The following FGF1 variants were observed in gnomAD, a reference collection of about 807,000 sequenced individuals.
FGF1 encodes the protein beta-endothelial cell growth factor.
Under a neutral mutation model 13.4 loss-of-function variants are expected in FGF1, and 9 were observed. The ratio of observed to expected loss-of-function variants is 0.67; its 90% CI spans 0.40 to 1.17. The LOEUF is 1.17. Ranked by LOEUF, FGF1 falls within the 50% of genes most tolerant of loss-of-function variation. The pLI is 0.01. For synonymous variants in FGF1, 93 were observed against 79.0 expected (o/e 1.18, Z -0.94); for missense variants, 156 against 192.7 (o/e 0.81, Z 1.13).
chr5:142,676,029 G>A (rs571408064), intron 1 of FGF1, among the ~76,000 whole-genome samples: 7 of 152,266 alleles, frequency 4.6e-5, no homozygotes, highest in African/African-American at 1.4e-4. Flanking sequence ...TGCCCTGGGC[G>A]TAACCTCTTT....
chr5:142,623,808 T>C (rs1762035796), intron 1 of FGF1, among the ~76,000 whole-genome samples: 1 of 151,202 alleles, frequency 6.6e-6, no homozygotes, highest in African/African-American at 2.4e-5. Flanking sequence ...CAGAGTGCAG[T>C]GTACACTCAT....
chr5:142,696,463 C>G (rs1007460773), intron 2 of FGF1, among the ~76,000 whole-genome samples: 8 of 152,122 alleles, frequency 5.3e-5, no homozygotes, highest in South Asian at 2.1e-4. Context: ...GTACAGTACC[C>G]ACATTCGTTC....
intron 1 of FGF1, among the ~76,000 whole-genome samples, chr5:142,662,693 G>C (rs17099178): frequency 1.3e-5 from 2 of 152,106 alleles, no homozygotes; most frequent in African/African-American, 4.8e-5. Context: ...TATGGAGTGC[G>C]TGAATGAAAC....
At chr5:142,697,392 C>A (rs541035714) in intron 2 of FGF1, among the ~76,000 whole-genome samples, 33 of 152,262 alleles carry the variant, frequency 2.2e-4, no homozygotes, top group African/African-American at 7.7e-4. Flanking sequence ...CACTAAGAAC[C>A]AGACCTACCC....
intron 1 of FGF1, among the ~76,000 whole-genome samples, chr5:142,622,888 G>A (rs1269167637): frequency 2.0e-5 from 3 of 152,242 alleles, no homozygotes; most frequent in Admixed American, 2.0e-4. Context: ...TGTTCCATGA[G>A]CTGAAATCTC....
At chr5:142,629,893 A>ATTT (rs1229121020) in intron 1 of FGF1, among the ~76,000 whole-genome samples, 52 of 120,056 alleles carry the variant, frequency 4.3e-4, no homozygotes, top group Non-Finnish European at 6.1e-4. Flanking sequence ...ATATATATAT[A>ATTT]TATTTTTTTT....
At chr5:142,598,271 G>C (rs1281311868) in intron 3 of FGF1, among the ~76,000 whole-genome samples, 1 of 152,130 alleles carries the variant, frequency 6.6e-6, no homozygotes, top group Non-Finnish European at 1.5e-5. Flanking sequence ...TATTATACTG[G>C]AGGAGTTGAC....
chr5:142,653,201 G>A (rs764283407), intron 1 of FGF1, among the ~76,000 whole-genome samples: 80 of 152,266 alleles, frequency 5.3e-4, no homozygotes, highest in Non-Finnish European at 1.0e-3. Context: ...TTGTTAAAAA[G>A]ACACATCCGA....
At chr5:142,690,834 C>T (rs750033036), upstream of FGF1, among the ~76,000 whole-genome samples, 14 of 152,190 alleles carry the variant, frequency 9.2e-5, no homozygotes, top group Non-Finnish European at 1.9e-4. Flanking sequence ...AGTTCTCCCC[C>T]AACATACTCA....
At chr5:142,687,143 G>A (rs1751385126), upstream of FGF1, among the ~76,000 whole-genome samples, 1 of 151,678 alleles carries the variant, frequency 6.6e-6, no homozygotes, top group African/African-American at 2.4e-5. Context: ...GTGCACGCAT[G>A]CACTCCCATG....
chr5:142,658,288 G>A (rs1379825733), intron 1 of FGF1, among the ~76,000 whole-genome samples: 1 of 152,204 alleles, frequency 6.6e-6, no homozygotes, highest in Non-Finnish European at 1.5e-5. Context: ...CTTATCCATG[G>A]CAATTGCTTC....
At chr5:142,657,191 A>C (rs1382872691) in intron 1 of FGF1, among the ~76,000 whole-genome samples, 1 of 152,198 alleles carries the variant, frequency 6.6e-6, no homozygotes, top group Non-Finnish European at 1.5e-5. Context: ...TGTTGGGATT[A>C]CAGGTGTGAG....
intron 2 of FGF1, among the ~76,000 whole-genome samples, chr5:142,604,162 AT>A (rs1362419546): frequency 1.3e-5 from 2 of 152,214 alleles, no homozygotes; most frequent in East Asian, 3.8e-4. Flanking sequence ...TTTGGAAAAT[AT>A]TCTAAAATGG....
chr5:142,615,244 C>T (rs1002661219), intron 1 of FGF1, among the ~76,000 whole-genome samples: 8 of 151,530 alleles, frequency 5.3e-5, no homozygotes, highest in South Asian at 4.2e-4. Context: ...TCTCCTGAGA[C>T]GGAGTCTCTG....
chr5:142,595,934 A>G (rs1245963100), intron 3 of FGF1, among the ~76,000 whole-genome samples: 1 of 152,200 alleles, frequency 6.6e-6, no homozygotes, highest in Non-Finnish European at 1.5e-5. Flanking sequence ...ACTGTGATGT[A>G]GTGGGTTGTT....
intron 1 of FGF1, among the ~76,000 whole-genome samples, chr5:142,652,309 G>C (rs989437578): frequency 6.6e-6 from 1 of 152,160 alleles, no homozygotes; most frequent in African/African-American, 2.4e-5. Context: ...TTGTAAGGTC[G>C]TAGTTCTTCT....
chr5:142,674,768 A>G (rs755948022), intron 1 of FGF1, among the ~76,000 whole-genome samples: 5 of 152,196 alleles, frequency 3.3e-5, no homozygotes, highest in Non-Finnish European at 7.3e-5. Flanking sequence ...ATATGCTTCC[A>G]TCCTAGAGCA....
chr5:142,612,909 T>C (rs1759385809), intron 2 of FGF1, among the ~76,000 whole-genome samples: 1 of 152,226 alleles, frequency 6.6e-6, no homozygotes, highest in South Asian at 2.1e-4. Flanking sequence ...CAACCTCTGG[T>C]GCATGGTCCA....
chr5:142,669,390 C>T (rs570166628), intron 1 of FGF1, among the ~76,000 whole-genome samples: 3 of 152,266 alleles, frequency 2.0e-5, no homozygotes, highest in East Asian at 1.9e-4. Context: ...TTCCTTCTCA[C>T]GATTATGTCC....
Sources: gnomAD v4.1 joint callset for allele counts (sites outside exome capture counted in the v4.1 genomes callset) on GRCh38, gnomAD v4.1.1 for gene constraint, MANE v1.5 for transcripts, NCBI Gene and HGNC (gene_info 2026-07-23, HGNC 2026-07-21) for gene names.